The following DLG5 variants were observed in gnomAD, a reference collection of about 807,000 sequenced individuals.
DLG5 encodes discs large MAGUK scaffold protein 5.
In DLG5, 48 loss-of-function variants were observed where a neutral mutation model predicts 189.8. The observed-to-expected ratio is 0.25, with a 90% CI of 0.20 to 0.32. DLG5 has a LOEUF of 0.32. DLG5 is among the 10% of genes least tolerant of loss of function. DLG5 has a pLI of 1.00. For synonymous variants in DLG5, 1,016 were observed against 1,054.1 expected (o/e 0.96, Z 0.70); for missense variants, 2,160 against 2,544.7 (o/e 0.85, Z 3.25).
At position 77,812,000 on chromosome 10, in the gene DLG5, G is replaced by A; in HGVS notation, c.4246C>T (p.Gln1416Ter). 1 of 1,611,248 alleles carries A rather than the reference G, an allele frequency of 6.2e-7. No homozygotes were observed. The change falls in exon 22 of 32, where the codon CAG becomes TAG. Residue 1416 changes from glutamine to a stop codon, truncating the protein, a stop_gained. Coordinates refer to ENST00000372391, the MANE Select transcript of DLG5 (RefSeq NM_004747.4). LOFTEE classifies it high-confidence loss of function. ...AGGATGGTGATGGTATCACACTGCT[G>A]CCCGATGATGAGCCGCGCCTGCTGC... ...TEQQARLIIG[Q>*]QCDTITILAQ...
chr10:77,827,838 C>A (rs1190893538), intron 13 of DLG5, among the ~76,000 whole-genome samples: 1 of 152,156 alleles, frequency 6.6e-6, no homozygotes, highest in Non-Finnish European at 1.5e-5. Flanking sequence ...CATTACTGTA[C>A]ATAAATAAGC....
intron 1 of DLG5, among the ~76,000 whole-genome samples, chr10:77,882,921 A>G (rs1845326698): frequency 6.8e-6 from 1 of 147,492 alleles, no homozygotes; most frequent in African/African-American, 2.5e-5. Context: ...GTCTCAAAGA[A>G]AAAAAAAAAA....
intron 24 of DLG5, among the ~76,000 whole-genome samples, chr10:77,808,276 T>A (rs1161072408): frequency 6.6e-6 from 1 of 152,298 alleles, no homozygotes; most frequent in East Asian, 1.9e-4. Flanking sequence ...CTTTTATTTA[T>A]TTATTTTCTG....
intron 1 of DLG5, among the ~76,000 whole-genome samples, chr10:77,916,371 G>C (rs1261698473): frequency 1.3e-5 from 2 of 152,076 alleles, no homozygotes; most frequent in East Asian, 1.9e-4. Context: ...GCTAACTGCA[G>C]CCTCTGCCTC....
At chr10:77,863,986 C>T (rs1844573739) in intron 2 of DLG5, among the ~76,000 whole-genome samples, 1 of 152,196 alleles carries the variant, frequency 6.6e-6, no homozygotes, top group African/African-American at 2.4e-5. Flanking sequence ...CAACACAACC[C>T]ATCTCAGTCT....
chr10:77,813,949 C>A (rs1841908859), intron 20 of DLG5, among the ~76,000 whole-genome samples: 1 of 152,112 alleles, frequency 6.6e-6, no homozygotes, highest in Non-Finnish European at 1.5e-5. Flanking sequence ...AATGGTGTCT[C>A]CAGTTGAGGG....
chr10:77,839,968 C>T (rs990971741), intron 7 of DLG5, among the ~76,000 whole-genome samples: 6 of 152,142 alleles, frequency 3.9e-5, no homozygotes, highest in African/African-American at 1.2e-4. Context: ...AAGATTCAGA[C>T]GGGCATAATA....
At chr10:77,840,415 C>T (rs1360105057) in intron 7 of DLG5, among the ~76,000 whole-genome samples, 1 of 151,732 alleles carries the variant, frequency 6.6e-6, no homozygotes, top group East Asian at 1.9e-4. Flanking sequence ...GAAACTGAGG[C>T]CCAGAGGCCA....
chr10:77,859,179 T>C (rs2579135), intron 2 of DLG5, among the ~76,000 whole-genome samples: 38,705 of 152,182 alleles, frequency 0.25, 5,496 homozygotes, highest in Admixed American at 0.39. Context: ...CCCGGCCCAA[T>C]GTGTTTGTGT....
upstream of DLG5, chr10:77,928,450 A>G (rs1650146): frequency 0.72 from 109,366 of 152,202 alleles, 40,737 homozygotes; most frequent in African/African-American, 0.92. Context: ...AAGGTTTTAG[A>G]GGAGTGGAAG....
At chr10:77,831,403 AAAAAT>A (rs1319521586) in intron 9 of DLG5, among the ~76,000 whole-genome samples, 3 of 152,202 alleles carry the variant, frequency 2.0e-5, no homozygotes, top group Non-Finnish European at 4.4e-5. Context: ...ATCTCAAAAA[AAAAAT>A]AAAATTTAAT....
chr10:77,920,901 A>G (rs1387156066), intron 1 of DLG5, among the ~76,000 whole-genome samples: 1 of 152,094 alleles, frequency 6.6e-6, no homozygotes, highest in Non-Finnish European at 1.5e-5. Flanking sequence ...CTCTTTTTCT[A>G]CCTAAGATGA....
chr10:77,853,085 T>C (rs1283931588), intron 5 of DLG5, among the ~76,000 whole-genome samples: 1 of 151,878 alleles, frequency 6.6e-6, no homozygotes, highest in Non-Finnish European at 1.5e-5. Context: ...TGGGCTCCAA[T>C]GATCCTCCTG....
At chr10:77,808,686 C>T (rs142270094) in intron 24 of DLG5, among the ~76,000 whole-genome samples, 7 of 152,176 alleles carry the variant, frequency 4.6e-5, no homozygotes, top group Non-Finnish European at 1.0e-4. Flanking sequence ...GCGAGCACCC[C>T]CTGATGCCCA....
At chr10:77,865,736 G>C (rs575843688) in intron 2 of DLG5, among the ~76,000 whole-genome samples, 26 of 152,262 alleles carry the variant, frequency 1.7e-4, no homozygotes, top group South Asian at 2.1e-4. Flanking sequence ...CAGGAAGCGG[G>C]GGAGGGCCTC....
rs1361962455 is a variant in DLG5 at position 77,842,126 on chromosome 10, C to T, written c.1192G>A (p.Glu398Lys). The T allele has an allele frequency of 6.2e-7, 1 of 1,612,036 alleles. No homozygotes were observed. Among genetic ancestry groups the T allele is most frequent in the Admixed American group, 1.7e-5 (1 of 60,028 alleles). ...AQNKDLQWEM[E>K]LLQSELTELR... is the part of the protein sequence containing the mutation. Reference sequence around the variant, plus strand: ...TCGGTCAGCTCTGACTGCAGCAGCTCCATCTCCCACTGCAGGTCCTTGTTC... The same window carrying T: ...TCGGTCAGCTCTGACTGCAGCAGCTTCATCTCCCACTGCAGGTCCTTGTTC... Residue 398 changes from glutamate (E) to lysine (K), a missense_variant, in exon 7 of 32, where the codon GAG becomes AAG. By Grantham distance (56) the Glu-to-Lys change is moderately conservative (BLOSUM62 1). Coordinates refer to ENST00000372391, the MANE Select transcript of DLG5 (RefSeq NM_004747.4).
chr10:77,794,850 T>G lies in DLG5; in HGVS notation c.5545A>C (p.Lys1849Gln). ...FIHYKSAKHI[K>Q]EQRDPIYLRD... The stretch of plus-strand genomic sequence containing the variant: ...GAGCCCAGGGGGCCAGTTACCTACT[T>G]GATGTGCTTGGCGCTCTTGTAGTGG... The change falls in exon 30 of 32, where the codon AAG (lysine) becomes CAG (glutamine). Residue 1849 changes from lysine (K) to glutamine (Q), a missense_variant and splice_region_variant. Coordinates refer to ENST00000372391, the MANE Select transcript of DLG5 (RefSeq NM_004747.4). 6.2e-7 allele frequency: 1 copy of G among 1,613,728 alleles called. No homozygotes were observed. The highest frequency in any genetic ancestry group is 8.5e-7 in the Non-Finnish European group (1 of 1,179,792).
rs1489396739 is a variant in DLG5 at position 77,809,716 on chromosome 10, G to C, written c.4478C>G (p.Ala1493Gly). 1.2e-6 allele frequency: 2 copies of C among 1,612,330 alleles called. No homozygotes were observed. Among genetic ancestry groups the C allele is most frequent in the African/African-American group, 1.3e-5 (1 of 74,920 alleles). The change falls in exon 24 of 32, where the codon GCC (alanine) becomes GGC (glycine). Residue 1493 changes from alanine (A) to glycine (G), a missense_variant. Physicochemically the swap from Ala to Gly is moderately conservative, Grantham distance 60. Coordinates refer to ENST00000372391, the MANE Select transcript of DLG5 (RefSeq NM_004747.4). ...GCGTGGCTCCAGGGTCTTCTTGTTG[G>C]CATCTCCCGCAATCCTTTCAGGAAA... is the stretch of plus-strand genomic sequence containing the variant. ...KQSSSRIAGD[A>G]NKKTLEPRVV...
intron 1 of DLG5, among the ~76,000 whole-genome samples, chr10:77,909,633 G>A (rs1846160969): frequency 6.6e-6 from 1 of 152,074 alleles, no homozygotes; most frequent in East Asian, 1.9e-4. Context: ...CGGGGGAAAT[G>A]CAACAAGATA....
Sources: allele counts gnomAD v4.1 joint callset (sites outside exome capture counted in the v4.1 genomes callset), GRCh38; gene constraint gnomAD v4.1.1; transcripts MANE v1.5; gene names NCBI Gene and HGNC (gene_info 2026-07-23, HGNC 2026-07-21).